VPS13B: variants seen among roughly 807,000 people sequenced by gnomAD.
VPS13B encodes intermembrane lipid transfer protein VPS13B.
A neutral mutation model predicts 426.4 loss-of-function variants in VPS13B; 285 were observed. That is an observed-to-expected ratio of 0.67 (90% CI 0.61 to 0.74). The LOEUF (loss-of-function observed/expected upper bound fraction) is 0.74. VPS13B is among the 30% of genes least tolerant of loss of function. The pLI, the probability that VPS13B is intolerant of heterozygous loss-of-function variation, is 0.00. For missense variants in VPS13B, 4,537 were observed against 4,782.6 expected, an observed-to-expected ratio of 0.95 and a Z score of 1.51; for synonymous variants, 1,676 against 1,676.4, an observed-to-expected ratio of 1.00 and a Z score of 0.01.
Position 99,165,433 on chromosome 8 carries a change from T to C in VPS13B, c.2209-4606T>C, listed in dbSNP as rs72672307. Among the ~76,000 whole-genome samples, 1,211 of 151,972 alleles carry C rather than the reference T, an allele frequency of 8.0e-3. 10 individuals carry two copies. The highest frequency in any genetic ancestry group is 0.039 in the South Asian group (187 of 4,806). On this transcript the variant is annotated intron_variant, in intron 15 of 61. Coordinates refer to ENST00000357162, the MANE Select transcript of VPS13B (RefSeq NM_152564.5). The stretch of plus-strand genomic sequence containing the variant: ...ATGTATGGTATTGAGTAGCTAAGAG[T>C]TTCAAGGCATCTGATATTTGAAACA...
At chr8:99,783,054 C>G (rs10095279) in intron 42 of VPS13B, among the ~76,000 whole-genome samples, 46,415 of 151,922 alleles carry the variant, frequency 0.31, 8,057 homozygotes, top group South Asian at 0.55. Context: ...GCCTGCCCAC[C>G]TACTTCAAGG....
intron 19 of VPS13B, among the ~76,000 whole-genome samples, chr8:99,291,721 C>T (rs576737001): frequency 6.6e-6 from 1 of 152,204 alleles, no homozygotes; most frequent in South Asian, 2.1e-4. Flanking sequence ...AGAAAGATCT[C>T]TCAAGGAAGG....
chr8:99,427,842 C>A (rs533223962), intron 21 of VPS13B, among the ~76,000 whole-genome samples: 10 of 152,092 alleles, frequency 6.6e-5, no homozygotes, highest in African/African-American at 2.2e-4. Context: ...AATCCTAAGC[C>A]AAAAGAACAA....
chr8:99,604,866 G>T (rs984544827), intron 33 of VPS13B, among the ~76,000 whole-genome samples: 6 of 152,070 alleles, frequency 3.9e-5, no homozygotes, highest in African/African-American at 1.4e-4. Context: ...TAAGGGAGGA[G>T]TATCTACATA....
At chr8:99,095,798 C>A (rs1791422927) in intron 3 of VPS13B, among the ~76,000 whole-genome samples, 1 of 152,102 alleles carries the variant, frequency 6.6e-6, no homozygotes, top group Admixed American at 6.5e-5. Flanking sequence ...TTATACCTAA[C>A]ATGAATGATA....
At chr8:99,047,910 A>ACTCCTGGCCTCAAGTGACC (rs1165696432) in intron 3 of VPS13B, among the ~76,000 whole-genome samples, 2 of 150,536 alleles carry the variant, frequency 1.3e-5, no homozygotes, top group East Asian at 3.9e-4. Context: ...CTGGTCTTGA[A>ACTCCTGGCCTCAAGTGACC]CTCCTGACCT....
In VPS13B at chr8:99,755,541, G is replaced by A. The variant is rs893697841; in HGVS notation, c.7051-11233G>A. 1.7e-4 allele frequency among the ~76,000 whole-genome samples: 26 copies of A among 152,256 alleles called. 1 individual carries two copies. Among genetic ancestry groups the A allele is most frequent in the African/African-American group, 6.0e-4 (25 of 41,554 alleles). On this transcript the variant is annotated intron_variant, in intron 39 of 61. Coordinates refer to ENST00000357162, the MANE Select transcript of VPS13B (RefSeq NM_152564.5). ...TCCCAGCACTTTGGGAGGCCGAGGT[G>A]GGCAGATCACCTGAGGTCAGGAGTT...
chr8:99,032,631 G>A (rs1245356299), intron 2 of VPS13B, among the ~76,000 whole-genome samples: 2 of 150,248 alleles, frequency 1.3e-5, no homozygotes, highest in African/African-American at 2.4e-5. Flanking sequence ...CCGGGTTCAC[G>A]CCATTCTCCT....
In VPS13B at chr8:99,351,694, G is replaced by A. The variant is rs866870853; in HGVS notation, c.2825-32514G>A. On this transcript the variant is annotated intron_variant, in intron 19 of 61. Coordinates refer to ENST00000357162, the MANE Select transcript of VPS13B (RefSeq NM_152564.5). Reference sequence around the variant, plus strand: ...ATATAATAAATTACTAGTATCAGATGTAGTATAAATAACAAATATACATCT... The same window carrying A: ...ATATAATAAATTACTAGTATCAGATATAGTATAAATAACAAATATACATCT... 5.0e-4 allele frequency among the ~76,000 whole-genome samples: 76 copies of A among 152,064 alleles called. 1 individual carries two copies. Among genetic ancestry groups the A allele is most frequent in the Middle Eastern group, 3.4e-3 (1 of 294 alleles).
intron 31 of VPS13B, among the ~76,000 whole-genome samples, chr8:99,570,812 G>C (rs1825435792): frequency 6.6e-6 from 1 of 151,976 alleles, no homozygotes; most frequent in African/African-American, 2.4e-5. Flanking sequence ...TTTCTAGAGA[G>C]GTTTTGCATC....
rs528255484 is a variant in VPS13B at position 99,032,454 on chromosome 8, A to C, written c.148-5969A>C. On this transcript the variant is annotated intron_variant, in intron 2 of 61. Transcript: ENST00000357162. ...TATTTATTAATTTCTTTTGTAATAA[A>C]TTGATATTTTTGATGTTCTATTTTA... 2.6e-5 allele frequency among the ~76,000 whole-genome samples: 4 copies of C among 151,688 alleles called. No individual in the cohort carries two copies. The South Asian group carries it at 8.3e-4, about 32-fold the overall frequency.
intron 17 of VPS13B, among the ~76,000 whole-genome samples, chr8:99,254,844 T>C (rs1382144331): frequency 1.3e-4 from 20 of 152,104 alleles, no homozygotes; most frequent in Non-Finnish European, 2.5e-4. Flanking sequence ...GGTTTCACCA[T>C]GTTGGCCAGG....
chr8:99,386,315 T>A (rs547743334), intron 20 of VPS13B, among the ~76,000 whole-genome samples: 4 of 152,288 alleles, frequency 2.6e-5, no homozygotes, highest in Admixed American at 2.6e-4. Flanking sequence ...GAACATACAA[T>A]CACGTGCCCC....
chr8:99,171,163 T>C (rs1237080845), intron 16 of VPS13B, among the ~76,000 whole-genome samples: 1 of 151,944 alleles, frequency 6.6e-6, no homozygotes, highest in African/African-American at 2.4e-5. Context: ...TGATAATTCT[T>C]AATTTCTAGT....
intron 19 of VPS13B, among the ~76,000 whole-genome samples, chr8:99,362,813 T>G (rs1217046615): frequency 6.6e-6 from 1 of 152,230 alleles, no homozygotes; most frequent in African/African-American, 2.4e-5. Flanking sequence ...CTGATTTCCT[T>G]TCCTTTGGGT....
At position 99,105,849 on chromosome 8, in the gene VPS13B, AACTTGGGTGAGTC is replaced by A. The variant is rs978071794; in HGVS notation, c.580+2731_580+2743del. Among the ~76,000 whole-genome samples, 47 of 152,244 alleles carry A rather than the reference AACTTGGGTGAGTC, an allele frequency of 3.1e-4. No homozygotes were observed. The Middle Eastern group carries it at 0.024, about 78-fold the overall frequency. On this transcript the variant is annotated intron_variant, in intron 5 of 61. Coordinates refer to ENST00000357162, the MANE Select transcript of VPS13B (RefSeq NM_152564.5). ...CTCTCCACTGCTAATTTACAGTGCAAACTTGGGTGAGTCATTTATAAAATGACTGCTTCTAACT... is the reference window on the plus strand; with the variant it reads ...CTCTCCACTGCTAATTTACAGTGCAAATTTATAAAATGACTGCTTCTAACT...
intron 21 of VPS13B, among the ~76,000 whole-genome samples, chr8:99,404,807 G>A (rs1284452539): frequency 3.3e-5 from 5 of 152,076 alleles, no homozygotes; most frequent in Admixed American, 6.6e-5. Flanking sequence ...ACATCACACG[G>A]TCTTGTCTTC....
intron 24 of VPS13B, among the ~76,000 whole-genome samples, chr8:99,470,668 A>T (rs1162598254): frequency 2.0e-5 from 3 of 151,878 alleles, no homozygotes; most frequent in Non-Finnish European, 4.4e-5. Context: ...GAAAAGTCGA[A>T]TATTGTGTAC....
At chr8:99,018,078 A>G (rs2132141011) in intron 2 of VPS13B, among the ~76,000 whole-genome samples, 1 of 152,258 alleles carries the variant, frequency 6.6e-6, no homozygotes, top group Non-Finnish European at 1.5e-5. Flanking sequence ...TTTAAGTAGC[A>G]TTTTAAAAAC....
Sources: allele counts gnomAD v4.1 joint callset (sites outside exome capture counted in the v4.1 genomes callset), GRCh38; gene constraint gnomAD v4.1.1; transcripts MANE v1.5; gene names NCBI Gene and HGNC (gene_info 2026-07-23, HGNC 2026-07-21).